The following WBP11 variants were observed in gnomAD, a reference collection of about 807,000 sequenced individuals.
WBP11 encodes the protein WW domain-binding protein 11.
A neutral mutation model predicts 66.7 loss-of-function variants in WBP11; 12 were observed. The observed-to-expected ratio is 0.18, with a 90% confidence interval of 0.12 to 0.29. The LOEUF (loss-of-function observed/expected upper bound fraction) is 0.29. Among genes scored for constraint, WBP11 ranks in the 10% least tolerant of loss-of-function variants. WBP11 has a pLI of 1.00. For missense variants in WBP11, 555 were observed against 818.3 expected, an observed-to-expected ratio of 0.68 and a Z score of 3.93; for synonymous variants, 255 against 273.8, an observed-to-expected ratio of 0.93 and a Z score of 0.68.
rs1949871539 is a variant in WBP11 at position 14,794,791 on chromosome 12, AATGAG to A, written c.522-60_522-56del. On this transcript the variant is annotated intron_variant, in intron 6 of 11. Coordinates refer to ENST00000261167, the MANE Select transcript of WBP11 (RefSeq NM_016312.3). ...ACCCCCACAGTAATCACTTAACAGT[AATGAG>A]ATATTTATTTTCTCTTCTAAACAAT... The A allele has an allele frequency of 4.6e-6, 7 of 1,532,606 alleles. No individual in the cohort carries two copies. The East Asian group carries it at 6.8e-5, about 15-fold the overall frequency. 94.9% of individuals were successfully genotyped at this position (1,532,606 alleles called of 1,614,324 possible). A position where few individuals can be genotyped will look rare whatever the true frequency, so the allele number is the denominator to read the frequency against.
At chr12:14,788,846 G>T in intron 11 of WBP11, 105 bp downstream of exon 11, 1 of 626,878 alleles carries the variant, frequency 1.6e-6, no homozygotes, top group Non-Finnish European at 2.5e-6. Flanking sequence ...ACCACTGACT[G>T]TAAGATGACC....
At chr12:14,802,636 C>T (rs1275169212) in intron 1 of WBP11, among the ~76,000 whole-genome samples, 5 of 151,376 alleles carry the variant, frequency 3.3e-5, no homozygotes, top group Non-Finnish European at 7.4e-5. Flanking sequence ...GATCCATATT[C>T]CTGGCCTAGC....
At chr12:14,791,577 G>A (rs1592217454) in intron 8 of WBP11, among the ~76,000 whole-genome samples, 1 of 152,286 alleles carries the variant, frequency 6.6e-6, no homozygotes, top group South Asian at 2.1e-4. Flanking sequence ...TTAAGTTACA[G>A]AAATCTGATA....
At chr12:14,799,494 T>C in intron 4 of WBP11, 141 bp downstream of exon 4, 2 of 756,944 alleles carry the variant, frequency 2.6e-6, no homozygotes, top group South Asian at 4.3e-5. Context: ...CTCCATTTTG[T>C]CTCCCTGAAA....
At position 14,789,013 on chromosome 12, in the gene WBP11, C is replaced by T. The variant is rs746723741; in HGVS notation, c.1430G>A (p.Gly477Asp). 1.3e-6 allele frequency: 2 copies of T among 1,496,666 alleles called. No homozygotes were observed. Among genetic ancestry groups the T allele is most frequent in the Non-Finnish European group, 1.8e-6 (2 of 1,135,032 alleles). 92.7% of individuals were successfully genotyped at this position (1,496,666 alleles called of 1,614,324 possible). A position where few individuals can be genotyped will look rare whatever the true frequency, so the allele number is the denominator to read the frequency against. The change falls in exon 11 of 12, where the codon GGT becomes GAT. Residue 477 changes from glycine (G) to aspartate (D), a missense_variant. By Grantham distance (94) the Gly-to-Asp change is moderately conservative. Transcript: ENST00000261167. ...PPGPPPGPPP[G>D]LPPGPPPRGP... ...ACGAGGAGGGGGACCAGGAGGCAGA[C>T]CTGGAGGTGGACCTGGGGGAGGGCC...
chr12:14,801,474 T>C (rs1282944165), intron 1 of WBP11, 46 bp from the exon 2 acceptor site: 10 of 1,234,152 alleles, frequency 8.1e-6, no homozygotes, highest in Non-Finnish European at 1.2e-5. Flanking sequence ...CCTAAATGTA[T>C]TTCTTCCTTT....
At chr12:14,797,693 A>T (rs957864699) in intron 4 of WBP11, among the ~76,000 whole-genome samples, 2 of 152,218 alleles carry the variant, frequency 1.3e-5, no homozygotes. Context: ...AACTGGGACC[A>T]GAACATTCCC....
At chr12:14,793,709 T>C in intron 8 of WBP11, 22 bp downstream of exon 8, 2 of 1,610,820 alleles carry the variant, frequency 1.2e-6, no homozygotes, top group East Asian at 2.2e-5. Context: ...ATCAATACCA[T>C]GAATCCTTCA....
At chr12:14,792,499 G>A (rs1827834697) in intron 8 of WBP11, among the ~76,000 whole-genome samples, 1 of 131,354 alleles carries the variant, frequency 7.6e-6, no homozygotes, top group South Asian at 2.3e-4. Flanking sequence ...ACTCAGAGTT[G>A]GGACGGCCAT....
chr12:14,802,004 T>C (rs1039636120), intron 1 of WBP11: 4 of 152,318 alleles, frequency 2.6e-5, no homozygotes, highest in Non-Finnish European at 4.4e-5. Flanking sequence ...TCAGATATAA[T>C]GCTTGACTCT....
At chr12:14,794,907 T>A in intron 6 of WBP11, 64 bp downstream of exon 6, 5 of 1,610,024 alleles carry the variant, frequency 3.1e-6, no homozygotes, top group Non-Finnish European at 4.2e-6. Flanking sequence ...GCATTAATTT[T>A]GGCACTGGAC....
At position 14,793,889 on chromosome 12, in the gene WBP11, G is replaced by A. The variant is rs763903768; in HGVS notation, c.755C>T (p.Thr252Ile). 1 of 1,612,890 alleles carries A rather than the reference G, an allele frequency of 6.2e-7. No homozygotes were observed. ...QRGHDDDVSS[T>I]SEDDGYPEDM... The stretch of plus-strand genomic sequence containing the variant: ...CTCAGGATAGCCATCATCTTCACTG[G>A]TGCTAGAAACATCATCATCATGACC... Residue 252 changes from threonine to isoleucine, a missense_variant, in exon 8 of 12, where the codon ACC (threonine) becomes ATC (isoleucine). Thr to Ile is a moderately conservative substitution (Grantham distance 89). Transcript: ENST00000261167.
At chr12:14,795,317 G>T (rs1388330321) in intron 5 of WBP11, among the ~76,000 whole-genome samples, 1 of 151,950 alleles carries the variant, frequency 6.6e-6, no homozygotes, top group Non-Finnish European at 1.5e-5. Flanking sequence ...GAACCCAGCT[G>T]TTTTTTTTCT....
Position 14,794,517 on chromosome 12 carries a change from A to G in WBP11, c.721+20T>C. ...ATAAAAAATGATAGTTATAAAAGCAAAAGAACAGTCACTTCTCACCAAGTT... is the reference window on the plus strand; with the variant it reads ...ATAAAAAATGATAGTTATAAAAGCAGAAGAACAGTCACTTCTCACCAAGTT... On this transcript the variant is annotated intron_variant, in intron 7 of 11. Transcript: ENST00000261167. The G allele has an allele frequency of 6.2e-7, 1 of 1,612,620 alleles. No individual in the cohort carries two copies. Among genetic ancestry groups the G allele is most frequent in the Non-Finnish European group, 8.5e-7 (1 of 1,179,782 alleles).
rs1002387648 is a variant in WBP11, at chr12:14,793,914, C to A, written c.730G>T (p.Gly244Cys). Residue 244 changes from glycine (G) to cysteine (C), a missense_variant, in exon 8 of 12, where the codon GGT (glycine) becomes TGT (cysteine). Physicochemically the swap from Gly to Cys is radical, Grantham distance 159. This residue lies in a region of WBP11 where 220 missense variants were observed against 268.2 expected (regional missense o/e 0.82). Transcript: ENST00000261167. ...MLYSPELAQR[G>C]HDDDVSSTSE... ...GTGCTAGAAACATCATCATCATGAC[C>A]TCGCTGGGCTGAAAAGTGGGAAGGG... The A allele has an allele frequency of 1.0e-5, 16 of 1,607,534 alleles. No homozygotes were observed. The highest frequency in any genetic ancestry group is 3.4e-5 in the Admixed American group (2 of 59,508).
Position 14,790,509 on chromosome 12 carries a change from G to A in WBP11, c.1256C>T (p.Pro419Leu). The change falls in exon 10 of 12, where the codon CCA becomes CTA. Residue 419 changes from proline to leucine, a missense_variant. By Grantham distance (98) the Pro-to-Leu change is moderately conservative. This residue lies in a region of WBP11 where 230 missense variants were observed against 286.3 expected (regional missense o/e 0.80). Coordinates refer to ENST00000261167, the MANE Select transcript of WBP11 (RefSeq NM_016312.3). ...GPPPLGPPPA[P>L]PLRPPGPPTG... ...AGGTGGCCCAGGAGGCCGTAATGGT[G>A]GAGCAGGTGGTGGTCCAAGAGGTGG... is the stretch of plus-strand genomic sequence containing the variant. 6.2e-7 allele frequency: 1 copy of A among 1,614,042 alleles called. No homozygotes were observed. The highest frequency in any genetic ancestry group is 8.5e-7 in the Non-Finnish European group (1 of 1,179,874).
chr12:14,801,546 C>G, intron 1 of WBP11, 118 bp from the exon 2 acceptor site: 1 of 608,146 alleles, frequency 1.6e-6, no homozygotes, highest in South Asian at 2.1e-5. Context: ...TGAGACTGTT[C>G]TTTCCTTAGT....
chr12:14,787,972 C>A (rs1399174954), intron 11 of WBP11, among the ~76,000 whole-genome samples: 1 of 152,188 alleles, frequency 6.6e-6, no homozygotes, highest in East Asian at 1.9e-4. Flanking sequence ...CATGGTGGCT[C>A]ACACTTGTAA....
intron 9 of WBP11, 77 bp from the exon 10 acceptor site, chr12:14,790,826 A>C (rs1367562563): frequency 4.4e-6 from 6 of 1,354,804 alleles, no homozygotes; most frequent in African/African-American, 2.9e-5. Context: ...GACTGAATAC[A>C]CATGGTTAAT....
Sources: allele counts gnomAD v4.1 joint callset (sites outside exome capture counted in the v4.1 genomes callset), GRCh38; gene constraint gnomAD v4.1.1; regional missense constraint gnomAD v4.1.1; transcripts MANE v1.5; gene names NCBI Gene and HGNC (gene_info 2026-07-23, HGNC 2026-07-21).